Variants in ITGB8 observed in about 807,000 individuals in gnomAD.
ITGB8 encodes integrin beta-8.
Under a neutral mutation model 89.5 loss-of-function variants are expected in ITGB8, and 30 were observed. That is an observed-to-expected ratio of 0.34 (90% confidence interval 0.25 to 0.45). The LOEUF is 0.45. Among genes scored for constraint, ITGB8 ranks in the 20% least tolerant of loss-of-function variants. The pLI is 1.00. For missense variants in ITGB8, 836 were observed against 933.3 expected (o/e 0.90, Z 1.36); for synonymous variants, 335 against 320.4 (o/e 1.05, Z -0.49).
chr7:20,354,063 A>C (rs1415802515), intron 1 of ITGB8, among the ~76,000 whole-genome samples: 1 of 152,090 alleles, frequency 6.6e-6, no homozygotes, highest in Non-Finnish European at 1.5e-5. Context: ...GGTTTTGGAA[A>C]TGAAGATTAC....
chr7:20,405,477 A>ATT (rs35951169), intron 11 of ITGB8, among the ~76,000 whole-genome samples: 11 of 142,042 alleles, frequency 7.7e-5, no homozygotes, highest in East Asian at 4.1e-4. Context: ...CGCCGGGCTA[A>ATT]TTTTTTTTTT....
intron 1 of ITGB8, chr7:20,346,768 C>A: frequency 1.0e-6 from 1 of 985,282 alleles, no homozygotes; most frequent in Admixed American, 6.1e-5. Flanking sequence ...ACGATTATAC[C>A]TGAAGGGGGC....
At chr7:20,366,136 T>C (rs953997851) in intron 2 of ITGB8, 2 of 152,208 alleles carry the variant, frequency 1.3e-5, no homozygotes, top group African/African-American at 4.8e-5. Flanking sequence ...ATCATCAATA[T>C]TACCTAGTTT....
intron 1 of ITGB8, among the ~76,000 whole-genome samples, chr7:20,340,407 A>G (rs1291036133): frequency 6.6e-6 from 1 of 152,222 alleles, no homozygotes; most frequent in South Asian, 2.1e-4. Context: ...TGATGAAGAC[A>G]GGAGGATGAA....
intron 1 of ITGB8, among the ~76,000 whole-genome samples, chr7:20,350,057 T>A (rs534070061): frequency 6.6e-6 from 1 of 152,216 alleles, no homozygotes; most frequent in African/African-American, 2.4e-5. Context: ...CAGTCTGCAT[T>A]ATTGGTAACT....
intron 1 of ITGB8, among the ~76,000 whole-genome samples, chr7:20,355,132 G>C (rs1232682180): frequency 6.6e-6 from 1 of 152,156 alleles, no homozygotes; most frequent in Non-Finnish European, 1.5e-5. Flanking sequence ...GCTTAGAGAT[G>C]CCTGGAACAT....
intron 1 of ITGB8, among the ~76,000 whole-genome samples, chr7:20,355,919 G>C (rs914775620): frequency 3.9e-5 from 6 of 152,206 alleles, no homozygotes; most frequent in African/African-American, 1.4e-4. Context: ...TTTTTCCACA[G>C]ATGTGTTATC....
intron 3 of ITGB8, among the ~76,000 whole-genome samples, chr7:20,371,616 T>A (rs1269029320): frequency 1.3e-5 from 2 of 152,186 alleles, no homozygotes; most frequent in Non-Finnish European, 2.9e-5. Context: ...TATAATATCA[T>A]AACAATGACA....
At position 20,410,079 on chromosome 7, in the gene ITGB8, G is replaced by A; in HGVS notation, c.*82G>A. On this transcript the variant is annotated 3_prime_UTR_variant, in exon 14 of 14. Coordinates refer to ENST00000222573, the MANE Select transcript of ITGB8 (RefSeq NM_002214.3). ...GATTATAATTTTAAAAGTCACAGGA[G>A]GAGACAAATTGCTCACGGTCATGCC... is the stretch of plus-strand genomic sequence containing the variant. 1.4e-6 allele frequency: 2 copies of A among 1,418,634 alleles called. No individual in the cohort carries two copies. Among genetic ancestry groups the A allele is most frequent in the Non-Finnish European group, 1.9e-6 (2 of 1,033,120 alleles). 87.9% of individuals were successfully genotyped at this position (1,418,634 alleles called of 1,614,324 possible). A position where few individuals can be genotyped will look rare whatever the true frequency, so the allele number is the denominator to read the frequency against.
At chr7:20,357,157 T>C (rs1168977394) in intron 1 of ITGB8, among the ~76,000 whole-genome samples, 1 of 152,200 alleles carries the variant, frequency 6.6e-6, no homozygotes, top group Non-Finnish European at 1.5e-5. Context: ...AATGTTCATG[T>C]TGCAAAATCT....
intron 12 of ITGB8, among the ~76,000 whole-genome samples, chr7:20,407,316 T>C (rs1331855752): frequency 6.6e-6 from 1 of 151,846 alleles, no homozygotes; most frequent in African/African-American, 2.4e-5. Context: ...GTGCAGTTTT[T>C]GTATATCAAT....
rs759304002 is a variant in ITGB8 at position 20,386,405 on chromosome 7, A to ATTT, written c.960+4543_960+4545dup. On this transcript the variant is annotated intron_variant, in intron 6 of 13. Transcript: ENST00000222573. ...AGGCGCGTGCCACCACACCTGGCTA[A>ATTT]TTTTTTTTTTTTTTTTTTTTTTTTT... 6.5e-3 allele frequency among the ~76,000 whole-genome samples: 522 copies of ATTT among 80,234 alleles called. 3 individuals are homozygous for ATTT. The highest frequency in any genetic ancestry group is 0.021 in the African/African-American group (389 of 18,172). The allele number at this position is 80,234 out of a possible 152,430, so 52.6% of individuals were successfully genotyped here. A position where few individuals can be genotyped will look rare whatever the true frequency, so the allele number is the denominator to read the frequency against.
At chr7:20,369,789 C>G (rs1282036025) in intron 3 of ITGB8, among the ~76,000 whole-genome samples, 5 of 151,972 alleles carry the variant, frequency 3.3e-5, no homozygotes, top group Non-Finnish European at 5.9e-5. Flanking sequence ...AATTTTAAGT[C>G]AATACAAAAT....
chr7:20,337,177 C>A (rs573056090), intron 1 of ITGB8, among the ~76,000 whole-genome samples: 2 of 152,018 alleles, frequency 1.3e-5, no homozygotes, highest in Non-Finnish European at 2.9e-5. Context: ...AAAAAGTAAT[C>A]CTAATTCTTT....
chr7:20,369,768 T>G (rs925013818), intron 3 of ITGB8, among the ~76,000 whole-genome samples: 16 of 152,182 alleles, frequency 1.1e-4, no homozygotes, highest in African/African-American at 3.6e-4. Flanking sequence ...TCTACAAGCA[T>G]GGTGTAATAA....
At chr7:20,404,899 T>G in intron 11 of ITGB8, 46 bp downstream of exon 11, 1 of 1,537,444 alleles carries the variant, frequency 6.5e-7, no homozygotes. Context: ...TAGCTACTTT[T>G]GTCCTTTTTC....
chr7:20,368,160 A>G (rs138703713), intron 3 of ITGB8, among the ~76,000 whole-genome samples: 3 of 152,302 alleles, frequency 2.0e-5, no homozygotes, highest in South Asian at 2.1e-4. Flanking sequence ...CCAGTTTCCA[A>G]TTAAAACTGT....
chr7:20,331,826 C>CT lies in ITGB8; in HGVS notation c.27dup (p.Thr10TyrfsTer34), dbSNP rs760028800. ...TGCATTATGTGCGGCTCGGCCCTGG[C>CT]TTTTTTTACCGCTGCATTTGTCTGC... On this transcript the variant is annotated frameshift_variant, in exon 1 of 14. Transcript: ENST00000222573. LOFTEE classifies it high-confidence loss of function. The CT allele has an allele frequency of 9.3e-6, 15 of 1,613,208 alleles. No homozygotes were observed. Among genetic ancestry groups the CT allele is most frequent in the Non-Finnish European group, 1.1e-5 (13 of 1,180,002 alleles).
intron 3 of ITGB8, among the ~76,000 whole-genome samples, chr7:20,377,585 T>C (rs1160328002): frequency 1.3e-5 from 2 of 152,352 alleles, no homozygotes; most frequent in Non-Finnish European, 2.9e-5. Flanking sequence ...AACAGTTCTT[T>C]CTGTCAACAG....
Sources: allele counts gnomAD v4.1 joint callset (sites outside exome capture counted in the v4.1 genomes callset), GRCh38; gene constraint gnomAD v4.1.1; transcripts MANE v1.5; gene names NCBI Gene and HGNC (gene_info 2026-07-23, HGNC 2026-07-21).